Variants in RAPGEF4 observed in about 807,000 individuals in gnomAD.
The protein encoded by RAPGEF4 is Rap guanine nucleotide exchange factor 4.
RAPGEF4 carries 66 observed loss-of-function variants against 147.9 expected under a neutral mutation model. The ratio of observed to expected loss-of-function variants is 0.45; its 90% CI spans 0.37 to 0.55. The LOEUF (loss-of-function observed/expected upper bound fraction) is 0.55. Among genes scored for constraint, RAPGEF4 ranks in the 20% least tolerant of loss-of-function variants. RAPGEF4 has a pLI of 0.00. For synonymous variants in RAPGEF4, 419 were observed against 442.7 expected (o/e 0.95, Z 0.67); for missense variants, 1,071 against 1,257.3 (o/e 0.85, Z 2.24).
chr2:172,830,652 G>A (rs1359405222), intron 4 of RAPGEF4, among the ~76,000 whole-genome samples: 1 of 152,192 alleles, frequency 6.6e-6, no homozygotes, highest in African/African-American at 2.4e-5. Flanking sequence ...CACCCAGGCT[G>A]TAGTGCAGTG....
In RAPGEF4 at chr2:172,814,391, G is replaced by A. The variant is rs1688301239; in HGVS notation, c.410G>A (p.Arg137His). The change falls in exon 4 of 31, where the codon CGC becomes CAC. Residue 137 changes from arginine (R) to histidine (H), a missense_variant. Arg to His is a conservative substitution (Grantham distance 29). Transcript: ENST00000397081. ...IVTRESSELL[R>H]IEQKDFKALW... is the part of the protein sequence containing the mutation. ...ACCAGGGAGAGCAGTGAACTGCTCC[G>A]CATCGAGCAGAAGGACTTCAAGGCA... 3 of 1,614,090 alleles carry A rather than the reference G, an allele frequency of 1.9e-6. No homozygotes were observed. Among genetic ancestry groups the A allele is most frequent in the Non-Finnish European group, 2.5e-6 (3 of 1,179,978 alleles).
At chr2:172,783,286 G>A (rs1684856428) in intron 1 of RAPGEF4, among the ~76,000 whole-genome samples, 2 of 152,202 alleles carry the variant, frequency 1.3e-5, no homozygotes, top group African/African-American at 2.4e-5. Flanking sequence ...CTTTGCTTAA[G>A]GGCAAAATTG....
chr2:172,800,167 A>G (rs1686826005), intron 3 of RAPGEF4, among the ~76,000 whole-genome samples: 1 of 152,132 alleles, frequency 6.6e-6, no homozygotes, highest in Admixed American at 6.5e-5. Context: ...TCCTTTATGT[A>G]TTTCATCCCA....
intron 4 of RAPGEF4, among the ~76,000 whole-genome samples, chr2:172,857,217 A>G (rs1018853789): frequency 1.3e-5 from 2 of 151,810 alleles, no homozygotes; most frequent in Non-Finnish European, 2.9e-5. Context: ...GAGTCTTAGT[A>G]CTTTGCCCAA....
chr2:173,007,141 C>G (rs1374488), intron 17 of RAPGEF4, among the ~76,000 whole-genome samples: 2 of 152,002 alleles, frequency 1.3e-5, no homozygotes, highest in Non-Finnish European at 2.9e-5. Context: ...CCCTAGCTAC[C>G]TAGCTAGTAA....
At chr2:172,756,491 C>A (rs1695790077) in intron 1 of RAPGEF4, among the ~76,000 whole-genome samples, 1 of 152,212 alleles carries the variant, frequency 6.6e-6, no homozygotes. Flanking sequence ...CATACCTATT[C>A]TGCTATACCT....
chr2:172,960,674 G>T, intron 6 of RAPGEF4, 86 bp from the exon 7 acceptor site: 1 of 869,702 alleles, frequency 1.1e-6, no homozygotes, highest in Non-Finnish European at 1.7e-6. Flanking sequence ...ATAAAAAATG[G>T]ATGTTTCTTA....
intron 4 of RAPGEF4, among the ~76,000 whole-genome samples, chr2:172,901,068 G>C (rs981375215): frequency 6.6e-6 from 1 of 152,088 alleles, no homozygotes; most frequent in Non-Finnish European, 1.5e-5. Context: ...TCATCAGAGA[G>C]ATCAAAGGAA....
chr2:172,736,848 G>A (rs1353751662), intron 1 of RAPGEF4, among the ~76,000 whole-genome samples: 1 of 152,194 alleles, frequency 6.6e-6, no homozygotes, highest in South Asian at 2.1e-4. Context: ...TGATGCATCT[G>A]AACTTTTAAG....
chr2:172,999,931 C>T (rs1456934690), intron 16 of RAPGEF4, among the ~76,000 whole-genome samples: 1 of 152,154 alleles, frequency 6.6e-6, no homozygotes, highest in African/African-American at 2.4e-5. Flanking sequence ...GACTCCCTCC[C>T]CAGCCTTGGA....
At chr2:172,889,888 G>T in intron 4 of RAPGEF4, 5 of 903,928 alleles carry the variant, frequency 5.5e-6, no homozygotes, top group Non-Finnish European at 6.6e-6. Context: ...AAGACTGTGA[G>T]TTGCTCTCTA....
At chr2:173,039,633 C>G (rs1684503878) in intron 29 of RAPGEF4, among the ~76,000 whole-genome samples, 1 of 152,168 alleles carries the variant, frequency 6.6e-6, no homozygotes, top group Admixed American at 6.5e-5. Flanking sequence ...CATGCTTCAT[C>G]CCTTTTAAAG....
Position 172,772,256 on chromosome 2 carries a change from C to T in RAPGEF4, c.66-22769C>T, listed in dbSNP as rs546300101. Among the ~76,000 whole-genome samples, 4 of 152,102 alleles carry T rather than the reference C, an allele frequency of 2.6e-5. No homozygotes were observed. In the East Asian group the frequency reaches 7.7e-4, roughly 29 times the overall value. The stretch of plus-strand genomic sequence containing the variant: ...CTGTCTCAAAGATAATTTTTGAACT[C>T]AGAGAATAAAATGAATGTAGTTAAA... On this transcript the variant is annotated intron_variant, in intron 1 of 30. Transcript: ENST00000397081.
chr2:172,839,694 A>T (rs934111715), intron 4 of RAPGEF4, among the ~76,000 whole-genome samples: 1 of 152,038 alleles, frequency 6.6e-6, no homozygotes, highest in African/African-American at 2.4e-5. Context: ...GCCTCCTTTT[A>T]CCCAGTTCCT....
intron 23 of RAPGEF4, among the ~76,000 whole-genome samples, chr2:173,022,190 C>T (rs1194848035): frequency 1.3e-5 from 2 of 152,180 alleles, no homozygotes; most frequent in South Asian, 2.1e-4. Flanking sequence ...GGTTCTTGGC[C>T]GCAGTGCCAA....
intron 3 of RAPGEF4, among the ~76,000 whole-genome samples, chr2:172,807,627 T>A (rs1436609894): frequency 1.3e-5 from 2 of 152,228 alleles, no homozygotes; most frequent in Non-Finnish European, 2.9e-5. Context: ...TAATCCCAGG[T>A]GCTGTGAAAC....
chr2:172,933,198 A>G (rs1368085338), intron 6 of RAPGEF4, among the ~76,000 whole-genome samples: 2 of 152,156 alleles, frequency 1.3e-5, no homozygotes, highest in Non-Finnish European at 2.9e-5. Context: ...TTTGAATCCT[A>G]GGAAACTCAT....
chr2:172,984,022 A>T (rs1691972965), intron 11 of RAPGEF4, among the ~76,000 whole-genome samples: 3 of 152,190 alleles, frequency 2.0e-5, no homozygotes, highest in African/African-American at 7.2e-5. Flanking sequence ...TGAGAATGGA[A>T]GCAGAAAGTT....
chr2:173,006,100 C>G (rs1283334336), intron 17 of RAPGEF4, among the ~76,000 whole-genome samples: 8 of 152,154 alleles, frequency 5.3e-5, no homozygotes, highest in Non-Finnish European at 7.3e-5. Flanking sequence ...GGGTGAAAAC[C>G]TTTTTAACAT....
Sources: gnomAD v4.1 joint callset for allele counts (sites outside exome capture counted in the v4.1 genomes callset) on GRCh38, gnomAD v4.1.1 for gene constraint, MANE v1.5 for transcripts, NCBI Gene and HGNC (gene_info 2026-07-23, HGNC 2026-07-21) for gene names.